CEP112: variants seen among roughly 807,000 people sequenced by gnomAD.
CEP112 encodes centrosomal protein of 112 kDa.
CEP112 carries 127 observed loss-of-function variants against 153.0 expected under a neutral mutation model. The ratio of observed to expected loss-of-function variants is 0.83; its 90% confidence interval spans 0.72 to 0.96. The LOEUF (loss-of-function observed/expected upper bound fraction) is 0.96. Ranked by LOEUF, CEP112 falls within the 40% of genes least tolerant of loss-of-function variation. The pLI, the probability that CEP112 is intolerant of heterozygous loss-of-function variation, is 0.00. For synonymous variants in CEP112, 358 were observed against 374.4 expected, an observed-to-expected ratio of 0.96 and a Z score of 0.51; for missense variants, 1,089 against 1,101.2, an observed-to-expected ratio of 0.99 and a Z score of 0.16.
chr17:66,184,294 CA>C (rs909380602), intron 1 of CEP112, among the ~76,000 whole-genome samples: 2 of 150,260 alleles, frequency 1.3e-5, no homozygotes, highest in Admixed American at 6.6e-5. Flanking sequence ...TTGAACTTCA[CA>C]AAAAAAAACT....
intron 24 of CEP112, among the ~76,000 whole-genome samples, chr17:65,677,574 T>C (rs1202315117): frequency 6.6e-6 from 1 of 152,174 alleles, no homozygotes; most frequent in Non-Finnish European, 1.5e-5. Context: ...CAACTTTCTT[T>C]CCTTGTTTCT....
intron 12 of CEP112, among the ~76,000 whole-genome samples, chr17:66,048,220 C>G (rs2066294605): frequency 6.6e-6 from 1 of 152,022 alleles, no homozygotes; most frequent in Non-Finnish European, 1.5e-5. Flanking sequence ...ATGGCCAAGA[C>G]TCTTCTGATG....
At chr17:65,740,035 G>A (rs181523598) in intron 23 of CEP112, among the ~76,000 whole-genome samples, 150 of 152,268 alleles carry the variant, frequency 9.9e-4, no homozygotes, top group African/African-American at 3.4e-3. Context: ...ATATCCATTA[G>A]TAAAATTTTG....
Position 66,027,526 on chromosome 17 carries a change from T to C in CEP112, c.1631A>G (p.His544Arg), listed in dbSNP as rs772297208. The C allele has an allele frequency of 2.3e-6, 3 of 1,322,990 alleles. No homozygotes were observed. The East Asian group carries it at 8.9e-5, about 39-fold the overall frequency. 82.0% of individuals were successfully genotyped at this position (1,322,990 alleles called of 1,614,324 possible). A position where few individuals can be genotyped will look rare whatever the true frequency, so the allele number is the denominator to read the frequency against. Residue 544 changes from histidine to arginine, a missense_variant, in exon 16 of 27, where the codon CAT becomes CGT. Coordinates refer to ENST00000535342, the MANE Select transcript of CEP112 (RefSeq NM_001199165.4). ...QENKFQMEKSHLKHIYEKKAH... is the reference protein window; with the variant it reads ...QENKFQMEKSRLKHIYEKKAH... ...CTTTTTTTCATAGATGTGTTTTAAA[T>C]GACTTTTCTCCATCTGAAACTTATT...
At chr17:65,683,703 T>C (rs2047644213) in intron 24 of CEP112, among the ~76,000 whole-genome samples, 1 of 152,196 alleles carries the variant, frequency 6.6e-6, no homozygotes, top group South Asian at 2.1e-4. Flanking sequence ...AGTGCTTGCA[T>C]TCTTTCTGCA....
chr17:66,121,833 A>G (rs546861375), intron 6 of CEP112, among the ~76,000 whole-genome samples: 1 of 151,850 alleles, frequency 6.6e-6, no homozygotes, highest in East Asian at 1.9e-4. Flanking sequence ...TTCATAATTT[A>G]AATCTCTTTA....
intron 23 of CEP112, among the ~76,000 whole-genome samples, chr17:65,694,248 G>T (rs1398864309): frequency 6.6e-6 from 1 of 152,184 alleles, no homozygotes; most frequent in Non-Finnish European, 1.5e-5. Context: ...GGAGATGGAG[G>T]CCAAGAAATC....
At chr17:65,719,166 G>C (rs570464379) in intron 23 of CEP112, among the ~76,000 whole-genome samples, 1 of 152,362 alleles carries the variant, frequency 6.6e-6, no homozygotes, top group South Asian at 2.1e-4. Context: ...GCTCTGCTGT[G>C]AACAGCCCTG....
chr17:66,187,419 T>C (rs1345577672), intron 1 of CEP112, among the ~76,000 whole-genome samples: 1 of 152,252 alleles, frequency 6.6e-6, no homozygotes, highest in Admixed American at 6.5e-5. Flanking sequence ...AGTTCACCAG[T>C]GATCCACTAA....
At chr17:66,190,024 C>G (rs2073104357) in intron 1 of CEP112, among the ~76,000 whole-genome samples, 1 of 151,758 alleles carries the variant, frequency 6.6e-6, no homozygotes, top group African/African-American at 2.4e-5. Flanking sequence ...AAAGTGAGAC[C>G]CTGTCTCAAA....
chr17:65,777,203 T>C (rs974326619), intron 21 of CEP112, among the ~76,000 whole-genome samples: 1 of 152,164 alleles, frequency 6.6e-6, no homozygotes, highest in Non-Finnish European at 1.5e-5. Context: ...CCACTCCTCA[T>C]TCTGATGCCT....
At chr17:66,035,375 T>G (rs2065693349) in intron 12 of CEP112, among the ~76,000 whole-genome samples, 1 of 152,106 alleles carries the variant, frequency 6.6e-6, no homozygotes. Context: ...TGAGTACCTC[T>G]GTGAACGTGC....
intron 23 of CEP112, among the ~76,000 whole-genome samples, chr17:65,719,777 C>T (rs1336049625): frequency 6.6e-6 from 1 of 152,122 alleles, no homozygotes; most frequent in Non-Finnish European, 1.5e-5. Flanking sequence ...AAAAGATCAG[C>T]ACTGGTAGAG....
At chr17:65,887,666 CT>C (rs1415608017) in intron 20 of CEP112, among the ~76,000 whole-genome samples, 1 of 152,156 alleles carries the variant, frequency 6.6e-6, no homozygotes, top group Non-Finnish European at 1.5e-5. Context: ...AGATAATATT[CT>C]CACGCAAGAT....
chr17:65,779,818 A>G (rs1324566366), intron 21 of CEP112, among the ~76,000 whole-genome samples: 1 of 152,172 alleles, frequency 6.6e-6, no homozygotes, highest in Non-Finnish European at 1.5e-5. Flanking sequence ...ACCGTTTTTG[A>G]GAAGTGTTGT....
chr17:66,099,565 C>T (rs1374099026), intron 6 of CEP112, among the ~76,000 whole-genome samples: 1 of 150,114 alleles, frequency 6.7e-6, no homozygotes, highest in Non-Finnish European at 1.5e-5. Context: ...ACAAAAGGCA[C>T]CATTTGTTAA....
chr17:65,947,174 T>C (rs977786506), intron 18 of CEP112, among the ~76,000 whole-genome samples: 1 of 152,142 alleles, frequency 6.6e-6, no homozygotes, highest in Non-Finnish European at 1.5e-5. Flanking sequence ...GCATAACTCA[T>C]TGGGCTACCT....
At chr17:65,713,210 A>G (rs2049299237) in intron 23 of CEP112, among the ~76,000 whole-genome samples, 1 of 152,202 alleles carries the variant, frequency 6.6e-6, no homozygotes. Context: ...TCTACCAGCT[A>G]GTGGTGGTCC....
intron 17 of CEP112, among the ~76,000 whole-genome samples, chr17:65,997,954 T>C (rs2063854605): frequency 6.6e-6 from 1 of 152,196 alleles, no homozygotes; most frequent in Non-Finnish European, 1.5e-5. Context: ...TTTCAGCTTT[T>C]ATTGAAAGTC....
Sources: gnomAD v4.1 joint callset for allele counts (sites outside exome capture counted in the v4.1 genomes callset) on GRCh38, gnomAD v4.1.1 for gene constraint, MANE v1.5 for transcripts, NCBI Gene and HGNC (gene_info 2026-07-23, HGNC 2026-07-21) for gene names.